PGR: variants seen among roughly 807,000 people sequenced by gnomAD.
PGR encodes the protein nuclear receptor subfamily 3 group C member 3.
PGR carries 25 observed loss-of-function variants against 76.1 expected under a neutral mutation model. That is an observed-to-expected ratio of 0.33 (90% CI 0.24 to 0.46). The LOEUF (loss-of-function observed/expected upper bound fraction) is 0.46, where lower values mean the gene tolerates loss of function less well. Ranked by LOEUF, PGR falls within the 20% of genes least tolerant of loss-of-function variation. The pLI is 1.00. For synonymous variants in PGR, 579 were observed against 535.0 expected (o/e 1.08, Z -1.14); for missense variants, 1,172 against 1,225.3 (o/e 0.96, Z 0.65).
chr11:101,040,963 C>T (rs1859676354), intron 7 of PGR, among the ~76,000 whole-genome samples: 1 of 151,926 alleles, frequency 6.6e-6, no homozygotes, highest in Non-Finnish European at 1.5e-5. Context: ...ATTTTCCTTT[C>T]CATTTCAGCC....
chr11:101,127,361 G>T lies in PGR; in HGVS notation c.1637+73C>A, dbSNP rs1005239292. On this transcript the variant is annotated intron_variant, in intron 1 of 7. Coordinates refer to ENST00000325455, the MANE Select transcript of PGR (RefSeq NM_000926.4). ...GCGGTGCGCTGGGGCTGGGGCTGAG[G>T]GTTGGCGGCCGCCGCCGCCAACGGA... The T allele has an allele frequency of 4.2e-6, 5 of 1,198,196 alleles. No homozygotes were observed. The African/African-American group carries it at 4.9e-5, about 12-fold the overall frequency. The allele number at this position is 1,198,196 out of a possible 1,614,324, so 74.2% of individuals were successfully genotyped here. A position where few individuals can be genotyped will look rare whatever the true frequency, so the allele number is the denominator to read the frequency against.
At chr11:101,074,602 T>C (rs775977383) in intron 3 of PGR, among the ~76,000 whole-genome samples, 31 of 152,182 alleles carry the variant, frequency 2.0e-4, no homozygotes, top group Non-Finnish European at 2.5e-4. Context: ...CAAAATCTCC[T>C]TAAGCTGATA....
chr11:101,067,844 A>G (rs1860775052), intron 3 of PGR, among the ~76,000 whole-genome samples: 1 of 152,234 alleles, frequency 6.6e-6, no homozygotes, highest in Non-Finnish European at 1.5e-5. Flanking sequence ...ATCAAATTGC[A>G]TAAATATACA....
chr11:101,054,794 A>T (rs921558320), intron 4 of PGR, among the ~76,000 whole-genome samples: 14 of 152,292 alleles, frequency 9.2e-5, no homozygotes, highest in African/African-American at 2.9e-4. Flanking sequence ...TATGAGACAA[A>T]TGGGATAATT....
chr11:101,073,389 A>G (rs1450450991), intron 3 of PGR, among the ~76,000 whole-genome samples: 1 of 152,220 alleles, frequency 6.6e-6, no homozygotes, highest in African/African-American at 2.4e-5. Context: ...ATGATCTAAA[A>G]TTGACACGCT....
chr11:101,034,171 T>C lies in PGR; in HGVS notation c.*4945A>G, dbSNP rs1185471263. ...AAATAATGCCTCTCCCATGTCTCCA[T>C]GAGTGGAAAAAAAGCAAACAAACCT... is the stretch of plus-strand genomic sequence containing the variant. On this transcript the variant is annotated 3_prime_UTR_variant, in exon 8 of 8. Transcript: ENST00000325455. The C allele has an allele frequency of 4.4e-6, 1 of 225,666 alleles. No homozygotes were observed. Among genetic ancestry groups the C allele is most frequent in the Non-Finnish European group, 8.8e-6 (1 of 113,276 alleles). 14.0% of individuals were successfully genotyped at this position (225,666 alleles called of 1,614,324 possible).
At chr11:101,044,632 A>G (rs1289719756) in intron 6 of PGR, among the ~76,000 whole-genome samples, 1 of 150,880 alleles carries the variant, frequency 6.6e-6, no homozygotes, top group Non-Finnish European at 1.5e-5. Context: ...TTTCTACCTC[A>G]GACTTGCAAC....
intron 3 of PGR, among the ~76,000 whole-genome samples, chr11:101,070,331 G>A (rs911870070): frequency 2.6e-5 from 4 of 152,202 alleles, no homozygotes; most frequent in African/African-American, 9.6e-5. Context: ...GCAACCCACA[G>A]ACCAGGAGAT....
At chr11:101,127,189 C>G in intron 1 of PGR, 1 of 345,526 alleles carries the variant, frequency 2.9e-6, no homozygotes, top group Non-Finnish European at 5.2e-6. Context: ...AAAAAAACAG[C>G]TTTCAGGGAG....
At chr11:101,041,732 T>C (rs1197123006) in intron 7 of PGR, 1 of 540,512 alleles carries the variant, frequency 1.9e-6, no homozygotes, top group African/African-American at 1.9e-5. Context: ...ACCCTCACAT[T>C]ATACAAATAC....
At chr11:101,124,436 T>C (rs1297977000) in intron 2 of PGR, among the ~76,000 whole-genome samples, 1 of 152,196 alleles carries the variant, frequency 6.6e-6, no homozygotes, top group Non-Finnish European at 1.5e-5. Context: ...ATTTAACCTA[T>C]GTTTACTAAC....
At chr11:101,064,942 C>T (rs1256977144) in intron 3 of PGR, among the ~76,000 whole-genome samples, 1 of 152,186 alleles carries the variant, frequency 6.6e-6, no homozygotes, top group Non-Finnish European at 1.5e-5. Flanking sequence ...AACAGAGTAA[C>T]ATGCTGTATC....
At chr11:101,057,125 A>C (rs1860324985) in intron 4 of PGR, among the ~76,000 whole-genome samples, 2 of 152,240 alleles carry the variant, frequency 1.3e-5, no homozygotes, top group African/African-American at 4.8e-5. Context: ...ATTGTAACTC[A>C]GAGTCATAGT....
intron 2 of PGR, among the ~76,000 whole-genome samples, chr11:101,114,692 C>A (rs1224905753): frequency 1.3e-5 from 2 of 152,050 alleles, no homozygotes; most frequent in African/African-American, 4.8e-5. Flanking sequence ...CCCCCACCCC[C>A]ACAATTCTCT....
At chr11:101,125,276 A>AAC (rs11571160) in intron 2 of PGR, among the ~76,000 whole-genome samples, 106,734 of 151,858 alleles carry the variant, frequency 0.7, 39,352 homozygotes, top group Non-Finnish European at 0.83. Flanking sequence ...TAAAATCTGA[A>AAC]ACACTATGCA....
intron 2 of PGR, among the ~76,000 whole-genome samples, chr11:101,092,521 C>T (rs1445194976): frequency 6.6e-6 from 1 of 152,110 alleles, no homozygotes. Context: ...GATAGAAGTA[C>T]TCAATAAAGA....
rs1859419492 is a variant in PGR at position 101,033,629 on chromosome 11, ATAAC to A, written c.*5483_*5486del. Reference sequence around the variant, plus strand: ...AATAACAAAACATTAAGAAAACACAATAACTATTTCTTAATAGAAGTACAGTTTG... The same window carrying A: ...AATAACAAAACATTAAGAAAACACAATATTTCTTAATAGAAGTACAGTTTG... On this transcript the variant is annotated 3_prime_UTR_variant, in exon 8 of 8. Transcript: ENST00000325455. 1 of 199,884 alleles carries A rather than the reference ATAAC, an allele frequency of 5.0e-6. No individual in the cohort carries two copies. The highest frequency in any genetic ancestry group is 2.3e-5 in the African/African-American group (1 of 43,662). 12.4% of individuals were successfully genotyped at this position (199,884 alleles called of 1,614,324 possible).
At chr11:101,119,217 TG>T (rs1862600311) in intron 2 of PGR, among the ~76,000 whole-genome samples, 1 of 152,166 alleles carries the variant, frequency 6.6e-6, no homozygotes, top group Non-Finnish European at 1.5e-5. Flanking sequence ...TAACAGGCCA[TG>T]GGCCCGCACC....
At position 101,073,858 on chromosome 11, in the gene PGR, A is replaced by C. The variant is rs536322592; in HGVS notation, c.1907-11106T>G. 5.9e-5 allele frequency among the ~76,000 whole-genome samples: 9 copies of C among 152,266 alleles called. No homozygotes were observed. In the South Asian group the frequency reaches 1.9e-3, roughly 32 times the overall value. ...TAATTAATAGCCTACCAACCAAAAAAACCCCAGGACCAGACAGATTCATAG... is the reference window on the plus strand; with the variant it reads ...TAATTAATAGCCTACCAACCAAAAACACCCCAGGACCAGACAGATTCATAG... On this transcript the variant is annotated intron_variant, in intron 3 of 7. Coordinates refer to ENST00000325455, the MANE Select transcript of PGR (RefSeq NM_000926.4).
Sources: allele counts gnomAD v4.1 joint callset (sites outside exome capture counted in the v4.1 genomes callset), GRCh38; gene constraint gnomAD v4.1.1; transcripts MANE v1.5; gene names NCBI Gene and HGNC (gene_info 2026-07-23, HGNC 2026-07-21).